The following NFATC4 variants were observed in gnomAD, a reference collection of about 807,000 sequenced individuals.
The protein encoded by NFATC4 is nuclear factor of activated T-cells, cytoplasmic 4.
NFATC4 carries 25 observed loss-of-function variants against 73.4 expected under a neutral mutation model. The observed-to-expected ratio is 0.34, with a 90% CI of 0.25 to 0.48. The LOEUF (loss-of-function observed/expected upper bound fraction) is 0.48, where lower values mean the gene tolerates loss of function less well. NFATC4 is among the 20% of genes least tolerant of loss of function. The pLI is 0.99. For synonymous variants in NFATC4, 523 were observed against 510.3 expected, an observed-to-expected ratio of 1.02 and a Z score of -0.34; for missense variants, 1,130 against 1,203.7, an observed-to-expected ratio of 0.94 and a Z score of 0.91.
Position 24,369,519 on chromosome 14 carries a change from C to A in NFATC4, c.121C>A (p.Pro41Thr), listed in dbSNP as rs1389407450. 6.2e-7 allele frequency: 1 copy of A among 1,610,342 alleles called. No homozygotes were observed. Among genetic ancestry groups the A allele is most frequent in the Admixed American group, 1.7e-5 (1 of 59,912 alleles). Reference sequence around the variant, plus strand: ...GACAGAACTGGACTCAGAGGATGCCCCGCCATGCTGCCGTCTGGCCTTGGG... The same window carrying A: ...GACAGAACTGGACTCAGAGGATGCCACGCCATGCTGCCGTCTGGCCTTGGG... ...LGEELDSEDA[P>T]PCCRLALGEP... Residue 41 changes from proline to threonine, a missense_variant, in exon 2 of 10, where the codon CCG becomes ACG. Pro to Thr is a conservative substitution (Grantham distance 38). Coordinates refer to ENST00000250373, the MANE Select transcript of NFATC4 (RefSeq NM_004554.5).
intron 6 of NFATC4, 69 bp from the exon 7 acceptor site, chr14:24,375,591 T>A (rs1309984052): frequency 6.6e-7 from 1 of 1,523,052 alleles, no homozygotes; most frequent in Non-Finnish European, 8.9e-7. Flanking sequence ...GGAGGGGAAA[T>A]GGCAGAGAAC....
chr14:24,375,918 G>A, intron 7 of NFATC4, 57 bp from the exon 8 acceptor site: 1 of 1,610,204 alleles, frequency 6.2e-7, no homozygotes, highest in Non-Finnish European at 8.5e-7. Context: ...CCCCTGGAAA[G>A]GCTGGGCTAA....
chr14:24,368,430 A>T lies in NFATC4; in HGVS notation c.90A>T (p.Gly30=). Residue 30 remains glycine (G), a synonymous_variant, in exon 1 of 10, where the codon GGA becomes GGT. Transcript: ENST00000250373. ...EKEAPPLGAG[G]LGEELDSEDA... Reference sequence around the variant, plus strand: ...AGGCCCCCCCGCTGGGCGCGGGGGGATTGGGGGAAGGTTAGTGCTGGGCTG... The same window carrying T: ...AGGCCCCCCCGCTGGGCGCGGGGGGTTTGGGGGAAGGTTAGTGCTGGGCTG... The T allele has an allele frequency of 7.8e-7, 1 of 1,283,906 alleles. No homozygotes were observed. 79.5% of individuals were successfully genotyped at this position (1,283,906 alleles called of 1,614,324 possible).
At chr14:24,368,180 GT>G, upstream of NFATC4, 1 of 1,262,514 alleles carries the variant, frequency 7.9e-7, no homozygotes, top group Non-Finnish European at 1.0e-6. Flanking sequence ...GTTTGGAAAA[GT>G]TTCTATAATA....
rs776150453 is a variant in NFATC4 at position 24,376,520 on chromosome 14, C to A, written c.2283C>A (p.Gly761=). 1.2e-6 allele frequency: 2 copies of A among 1,613,866 alleles called. No individual in the cohort carries two copies. Among genetic ancestry groups the A allele is most frequent in the Non-Finnish European group, 1.7e-6 (2 of 1,179,972 alleles). Residue 761 remains glycine, a synonymous_variant, in exon 9 of 10, where the codon GGC becomes GGA. Coordinates refer to ENST00000250373, the MANE Select transcript of NFATC4 (RefSeq NM_004554.5). The surrounding 1 kb of genome is among the most constrained non-coding windows in gnomAD (Gnocchi z 5.0). ...QTGPPPSYRP[G]LRMFPETRGT... Reference sequence around the variant, plus strand: ...GGCCCCCACCATCCTACAGACCGGGCCTGCGGATGTTCCCTGAGACTAGGG... The same window carrying A: ...GGCCCCCACCATCCTACAGACCGGGACTGCGGATGTTCCCTGAGACTAGGG...
At chr14:24,369,349 A>G in intron 1 of NFATC4, 150 bp from the exon 2 acceptor site, 1 of 1,598,378 alleles carries the variant, frequency 6.3e-7, no homozygotes, top group Non-Finnish European at 8.5e-7. Context: ...CCCAGGTCCA[A>G]CTCTGCTTTT....
In NFATC4 at chr14:24,373,867, T is replaced by C. The variant is rs370444869; in HGVS notation, c.1732T>C (p.Ser578Pro). The part of the protein sequence containing the change: ...VQAASVPIEC[S>P]QRSAQELPQV... ...GGCAGCATCGGTGCCCATCGAGTGC[T>C]GTGAGCAAAGAGGCCCTGGGCCATG... The change falls in exon 5 of 10, where the codon TCC becomes CCC. Residue 578 changes from serine to proline, a missense_variant and splice_region_variant. By Grantham distance (74) the Ser-to-Pro change is moderately conservative (BLOSUM62 -1). Transcript: ENST00000250373. The surrounding 1 kb of genome is among the most constrained non-coding windows in gnomAD (Gnocchi z 4.7). 1.2e-6 allele frequency: 2 copies of C among 1,613,908 alleles called. No individual in the cohort carries two copies. Among genetic ancestry groups the C allele is most frequent in the African/African-American group, 2.7e-5 (2 of 74,930 alleles).
upstream of NFATC4, chr14:24,367,714 C>T (rs1032777429): frequency 1.3e-6 from 2 of 1,512,536 alleles, no homozygotes; most frequent in African/African-American, 2.8e-5. Flanking sequence ...ACTCTGCCCC[C>T]AGGACCCTCC....
chr14:24,367,577 T>A (rs1398864652), upstream of NFATC4: 11 of 1,535,822 alleles, frequency 7.2e-6, no homozygotes, highest in Admixed American at 2.2e-4. Flanking sequence ...TCTTTGGGGG[T>A]CCTGGAGGAA....
rs1402665186 is a variant in NFATC4 at position 24,377,497 on chromosome 14, G to C, written c.2642-141G>C. 21 of 1,474,206 alleles carry C rather than the reference G, an allele frequency of 1.4e-5. No homozygotes were observed. In the South Asian group the frequency reaches 2.8e-4, roughly 20 times the overall value. 91.3% of individuals were successfully genotyped at this position (1,474,206 alleles called of 1,614,324 possible). The stretch of plus-strand genomic sequence containing the variant: ...GTCAAGACGTGTTGGGGAAACTGAG[G>C]CCCAGTGGAATAGAAGCCAGTAGAG... On this transcript the variant is annotated intron_variant, in intron 9 of 9. Coordinates refer to ENST00000250373, the MANE Select transcript of NFATC4 (RefSeq NM_004554.5). This position sits in a 1 kb window ranked among gnomAD's most constrained non-coding sequence, Gnocchi z 4.2.
chr14:24,369,309 T>A (rs2042397222), intron 1 of NFATC4, 190 bp from the exon 2 acceptor site: 1 of 1,580,230 alleles, frequency 6.3e-7, no homozygotes, highest in Admixed American at 1.8e-5. Context: ...GGCAAAGGCC[T>A]GGCATGCCTG....
At position 24,376,757 on chromosome 14, in the gene NFATC4, C is replaced by T. The variant is rs1390085027; in HGVS notation, c.2520C>T (p.Tyr840=). 6.2e-7 allele frequency: 1 copy of T among 1,613,884 alleles called. No individual in the cohort carries two copies. The highest frequency in any genetic ancestry group is 1.3e-5 in the African/African-American group (1 of 74,996). The change falls in exon 9 of 10, where the codon TAC becomes TAT. Residue 840 remains tyrosine (Y), a synonymous_variant. Transcript: ENST00000250373. This position sits in a 1 kb window ranked among gnomAD's most constrained non-coding sequence, Gnocchi z 5.0. ...TGCATCCCCTACCTGCTGAGGGATA[C>T]AATAAGGTAGGGCCAGGCTATGGCC... The part of the protein sequence containing the change: ...SDVHPLPAEG[Y]NKVGPGYGPG...
In NFATC4 at chr14:24,377,522, G is replaced by A. The variant is rs773000692; in HGVS notation, c.2642-116G>A. On this transcript the variant is annotated intron_variant, in intron 9 of 9. Transcript: ENST00000250373. The surrounding 1 kb of genome is among the most constrained non-coding windows in gnomAD (Gnocchi z 4.2). ...GCCCAGTGGAATAGAAGCCAGTAGA[G>A]GAGGAATCTAGAGGCCTCCTAGATT... 8.4e-5 allele frequency: 130 copies of A among 1,539,326 alleles called. No homozygotes were observed. Among genetic ancestry groups the A allele is most frequent in the Admixed American group, 3.0e-4 (15 of 50,656 alleles).
In NFATC4 at chr14:24,368,257, G is replaced by T; in HGVS notation, c.-84G>T. ...GGGGCTTCTCAGAGAAAGGGAGGGA[G>T]GGAGCCACCCGGGTGAAGATACAGC... On this transcript the variant is annotated 5_prime_UTR_variant, in exon 1 of 10. The change creates a new upstream start codon in the 5' untranslated region. Transcript: ENST00000250373. 1 of 1,345,568 alleles carries T rather than the reference G, an allele frequency of 7.4e-7. No homozygotes were observed. Among genetic ancestry groups the T allele is most frequent in the Non-Finnish European group, 9.6e-7 (1 of 1,046,210 alleles). 83.4% of individuals were successfully genotyped at this position (1,345,568 alleles called of 1,614,324 possible). A position where few individuals can be genotyped will look rare whatever the true frequency, so the allele number is the denominator to read the frequency against.
At chr14:24,369,224 C>T in intron 1 of NFATC4, 1 of 1,533,794 alleles carries the variant, frequency 6.5e-7, no homozygotes. Flanking sequence ...CAGCTCCAGC[C>T]CCTCTGGACC....
upstream of NFATC4, chr14:24,367,289 G>T: frequency 6.4e-7 from 1 of 1,572,868 alleles, no homozygotes; most frequent in Admixed American, 1.8e-5. Flanking sequence ...AGGGTCCGGA[G>T]GTTTCAGGCC....
At position 24,368,348 on chromosome 14, in the gene NFATC4, C is replaced by T; in HGVS notation, c.8C>T (p.Ala3Val). 1 of 1,377,084 alleles carries T rather than the reference C, an allele frequency of 7.3e-7. No individual in the cohort carries two copies. Among genetic ancestry groups the T allele is most frequent in the Non-Finnish European group, 9.4e-7 (1 of 1,065,798 alleles). 85.3% of individuals were successfully genotyped at this position (1,377,084 alleles called of 1,614,324 possible). MG[A>V]ASCEDEELEF... ...GGGGCTCCTGCCGGATCCATGGGGG[C>T]GGCCAGCTGCGAGGATGAGGAGCTG... Residue 3 changes from alanine to valine, a missense_variant, in exon 1 of 10, where the codon GCG (alanine) becomes GTG (valine). By Grantham distance (64) the Ala-to-Val change is moderately conservative (BLOSUM62 0). Transcript: ENST00000250373.
At chr14:24,375,742 GGGGGGC>G in intron 7 of NFATC4, 27 bp downstream of exon 7, 8 of 1,540,198 alleles carry the variant, frequency 5.2e-6, no homozygotes, top group Non-Finnish European at 7.1e-6. Flanking sequence ...GATACCTCCT[GGGGGGC>G]GGGGGTGGGA....
intron 2 of NFATC4, 113 bp from the exon 3 acceptor site, chr14:24,372,328 C>A: frequency 1.7e-6 from 2 of 1,145,098 alleles, no homozygotes; most frequent in Non-Finnish European, 2.4e-6. Context: ...TTCTTTATTT[C>A]TTCTGTGCTT....
Sources: allele counts gnomAD v4.1 joint callset, GRCh38; gene constraint gnomAD v4.1.1; non-coding constraint Gnocchi (gnomAD v3.1); transcripts MANE v1.5; gene names NCBI Gene and HGNC (gene_info 2026-07-23, HGNC 2026-07-21).